The following SOX14 variants were observed in gnomAD, a reference collection of about 807,000 sequenced individuals.
SOX14 encodes transcription factor SOX-14.
SOX14 carries 5 observed loss-of-function variants against 14.8 expected under a neutral mutation model. That is an observed-to-expected ratio of 0.34 (90% confidence interval 0.18 to 0.71). The LOEUF is 0.71. Among genes scored for constraint, SOX14 ranks in the 30% least tolerant of loss-of-function variants. SOX14 has a pLI of 0.64. For missense variants in SOX14, 270 were observed against 329.7 expected (o/e 0.82, Z 1.40); for synonymous variants, 164 against 146.3 (o/e 1.12, Z -0.87).
chr3:137,764,566 G>GCCC lies in SOX14; in HGVS notation c.-216_-214dup. 1 of 248,410 alleles carries GCCC rather than the reference G, an allele frequency of 4.0e-6. No individual in the cohort carries two copies. The highest frequency in any genetic ancestry group is 2.2e-4 in the South Asian group (1 of 4,562). The allele number at this position is 248,410 out of a possible 1,614,324, so 15.4% of individuals were successfully genotyped here. ...CGCCCTCTCCTCCCCCGCCCTTTCT[G>GCCC]CCCCCACTCGCTCCCCCGGGGCTGC... On this transcript the variant is annotated 5_prime_UTR_variant, in exon 1 of 1. Coordinates refer to ENST00000306087, the MANE Select transcript of SOX14 (RefSeq NM_004189.4).
At position 137,765,772 on chromosome 3, in the gene SOX14, T is replaced by A. The variant is rs921151261; in HGVS notation, c.*265T>A. 35 of 427,904 alleles carry A rather than the reference T, an allele frequency of 8.2e-5. No individual in the cohort carries two copies. In the East Asian group the frequency reaches 1.2e-3, roughly 15 times the overall value. 26.5% of individuals were successfully genotyped at this position (427,904 alleles called of 1,614,324 possible). ...CTCTCCCAAAACAAATCTCCGACTG[T>A]ACCCCCTTTGGACAAAAAAGTAGGC... is the stretch of plus-strand genomic sequence containing the variant. On this transcript the variant is annotated 3_prime_UTR_variant, in exon 1 of 1. Transcript: ENST00000306087.
chr3:137,764,973 G>T lies in SOX14; in HGVS notation c.189G>T (p.Arg63=). 6.2e-7 allele frequency: 1 copy of T among 1,614,278 alleles called. No individual in the cohort carries two copies. The highest frequency in any genetic ancestry group is 1.1e-5 in the South Asian group (1 of 91,090). ...EKRPYIDEAK[R]LRAQHMKEHP... ...GGCCATACATCGATGAAGCCAAGCGGCTACGCGCCCAGCACATGAAGGAGC... is the reference window on the plus strand; with the variant it reads ...GGCCATACATCGATGAAGCCAAGCGTCTACGCGCCCAGCACATGAAGGAGC... The change falls in exon 1 of 1, where the codon CGG becomes CGT. Residue 63 remains arginine, a synonymous_variant. Coordinates refer to ENST00000306087, the MANE Select transcript of SOX14 (RefSeq NM_004189.4).
In SOX14 at chr3:137,765,357, G is replaced by A. The variant is rs1027266255; in HGVS notation, c.573G>A (p.Pro191=). 6.8e-6 allele frequency: 11 copies of A among 1,607,216 alleles called. No individual in the cohort carries two copies. The highest frequency in any genetic ancestry group is 1.3e-5 in the African/African-American group (1 of 74,778). ...SCPSQHTHTH[P]SPTNPGYVVP... is the part of the protein sequence containing the mutation. ...CCAGCCAGCACACGCACACGCACCC[G>A]TCCCCCACCAACCCTGGCTACGTGG... Residue 191 remains proline (P), a synonymous_variant, in exon 1 of 1, where the codon CCG becomes CCA. Transcript: ENST00000306087.
chr3:137,765,133 G>A lies in SOX14; in HGVS notation c.349G>A (p.Gly117Ser). Residue 117 changes from glycine to serine, a missense_variant, in exon 1 of 1, where the codon GGC becomes AGC. Around this residue, in one of 2 missense-constraint regions of SOX14, gnomAD observed 207 missense variants for 210.9 expected, o/e 0.98. Coordinates refer to ENST00000306087, the MANE Select transcript of SOX14 (RefSeq NM_004189.4). Reference sequence around the variant, plus strand: ...TGGCCTGCCCGTGGGGGCCTCCGACGGCCTCCTGAGCGCGCCCGAGAAAGC... The same window carrying A: ...TGGCCTGCCCGTGGGGGCCTCCGACAGCCTCCTGAGCGCGCCCGAGAAAGC... ...AAGLPVGASDGLLSAPEKARA... is the reference protein window; with the variant it reads ...AAGLPVGASDSLLSAPEKARA... 6.2e-7 allele frequency: 1 copy of A among 1,612,776 alleles called. No individual in the cohort carries two copies. Among genetic ancestry groups the A allele is most frequent in the Non-Finnish European group, 8.5e-7 (1 of 1,179,280 alleles).
chr3:137,765,785 C>CA lies in SOX14; in HGVS notation c.*284dup, dbSNP rs1939233915. 7.4e-6 allele frequency: 3 copies of CA among 404,740 alleles called. No homozygotes were observed. The highest frequency in any genetic ancestry group is 1.3e-5 in the Non-Finnish European group (3 of 230,352). 25.1% of individuals were successfully genotyped at this position (404,740 alleles called of 1,614,324 possible). A position where few individuals can be genotyped will look rare whatever the true frequency, so the allele number is the denominator to read the frequency against. ...AATCTCCGACTGTACCCCCTTTGGACAAAAAAGTAGGCAGTTTTGCTTTAT... is the reference window on the plus strand; with the variant it reads ...AATCTCCGACTGTACCCCCTTTGGACAAAAAAAGTAGGCAGTTTTGCTTTAT... On this transcript the variant is annotated 3_prime_UTR_variant, in exon 1 of 1. Transcript: ENST00000306087.
chr3:137,765,258 C>A lies in SOX14; in HGVS notation c.474C>A (p.Thr158=). 2.5e-6 allele frequency: 4 copies of A among 1,598,968 alleles called. No individual in the cohort carries two copies. The South Asian group carries it at 4.5e-5, about 18-fold the overall frequency. The change falls in exon 1 of 1, where the codon ACC becomes ACA. Residue 158 remains threonine (T), a synonymous_variant. Transcript: ENST00000306087. ...AGAAGATGGGCGAAGTGCCCCACAC[C>A]TTGGCTACCGGCGCTCTGCCCTACG... The part of the protein sequence containing the change: ...AIQKMGEVPH[T]LATGALPYAS...
At position 137,765,679 on chromosome 3, in the gene SOX14, C is replaced by A; in HGVS notation, c.*172C>A. 5 of 822,114 alleles carry A rather than the reference C, an allele frequency of 6.1e-6. No homozygotes were observed. The highest frequency in any genetic ancestry group is 8.9e-6 in the Non-Finnish European group (5 of 559,310). 50.9% of individuals were successfully genotyped at this position (822,114 alleles called of 1,614,324 possible). On this transcript the variant is annotated 3_prime_UTR_variant, in exon 1 of 1. Transcript: ENST00000306087. ...GGGAAGGGTGGGGCGTCCTCCCGGA[C>A]CCAAGGCGCAGACAGGTACCGGAAA...
chr3:137,764,665 G>T lies in SOX14; in HGVS notation c.-120G>T, dbSNP rs1368010509. 2 of 1,316,904 alleles carry T rather than the reference G, an allele frequency of 1.5e-6. No homozygotes were observed. Among genetic ancestry groups the T allele is most frequent in the Non-Finnish European group, 2.1e-6 (2 of 956,770 alleles). 81.6% of individuals were successfully genotyped at this position (1,316,904 alleles called of 1,614,324 possible). A position where few individuals can be genotyped will look rare whatever the true frequency, so the allele number is the denominator to read the frequency against. On this transcript the variant is annotated 5_prime_UTR_variant, in exon 1 of 1. Transcript: ENST00000306087. ...TTCTCTCTGGCTTCCCCTCAGCGGC[G>T]CCAAGGCGAGGGGAGCGCAGAACCC...
At position 137,765,555 on chromosome 3, in the gene SOX14, C is replaced by G; in HGVS notation, c.*48C>G. ...AGGCGTGGTCTGAAAGCCGGGTCTG[C>G]ACCCTGTCCTCTGAGCCTAGCCCCG... On this transcript the variant is annotated 3_prime_UTR_variant, in exon 1 of 1. Coordinates refer to ENST00000306087, the MANE Select transcript of SOX14 (RefSeq NM_004189.4). 6.5e-7 allele frequency: 1 copy of G among 1,547,912 alleles called. No individual in the cohort carries two copies. Among genetic ancestry groups the G allele is most frequent in the East Asian group, 2.3e-5 (1 of 44,282 alleles).
chr3:137,764,681 C>A lies in SOX14; in HGVS notation c.-104C>A. 4 of 1,426,174 alleles carry A rather than the reference C, an allele frequency of 2.8e-6. No homozygotes were observed. The highest frequency in any genetic ancestry group is 1.4e-5 in the South Asian group (1 of 73,322). 88.3% of individuals were successfully genotyped at this position (1,426,174 alleles called of 1,614,324 possible). A position where few individuals can be genotyped will look rare whatever the true frequency, so the allele number is the denominator to read the frequency against. ...CTCAGCGGCGCCAAGGCGAGGGGAG[C>A]GCAGAACCCCGGCTCAGGACGGACA... On this transcript the variant is annotated 5_prime_UTR_variant, in exon 1 of 1. Coordinates refer to ENST00000306087, the MANE Select transcript of SOX14 (RefSeq NM_004189.4).
Position 137,765,669 on chromosome 3 carries a change from T to G in SOX14, c.*162T>G. On this transcript the variant is annotated 3_prime_UTR_variant, in exon 1 of 1. Coordinates refer to ENST00000306087, the MANE Select transcript of SOX14 (RefSeq NM_004189.4). Reference sequence around the variant, plus strand: ...CTCTTCCAGGGGGAAGGGTGGGGCGTCCTCCCGGACCCAAGGCGCAGACAG... The same window carrying G: ...CTCTTCCAGGGGGAAGGGTGGGGCGGCCTCCCGGACCCAAGGCGCAGACAG... The G allele has an allele frequency of 1.1e-6, 1 of 932,094 alleles. No homozygotes were observed. Among genetic ancestry groups the G allele is most frequent in the Non-Finnish European group, 1.5e-6 (1 of 658,384 alleles). The allele number at this position is 932,094 out of a possible 1,614,324, so 57.7% of individuals were successfully genotyped here.
Position 137,764,722 on chromosome 3 carries a change from G to T in SOX14, c.-63G>T. 2 of 1,564,792 alleles carry T rather than the reference G, an allele frequency of 1.3e-6. No individual in the cohort carries two copies. Among genetic ancestry groups the T allele is most frequent in the Non-Finnish European group, 1.7e-6 (2 of 1,158,866 alleles). On this transcript the variant is annotated 5_prime_UTR_variant, in exon 1 of 1. Transcript: ENST00000306087. ...AGGACGGACAGACAGACGGCCAGCC[G>T]CGCCCAGGCTCGTCTGCAGAACCCT...
In SOX14 at chr3:137,765,673, C is replaced by A. The variant is rs1939231934; in HGVS notation, c.*166C>A. The A allele has an allele frequency of 6.7e-6, 6 of 892,616 alleles. No homozygotes were observed. The highest frequency in any genetic ancestry group is 8.0e-6 in the Non-Finnish European group (5 of 622,972). The allele number at this position is 892,616 out of a possible 1,614,324, so 55.3% of individuals were successfully genotyped here. On this transcript the variant is annotated 3_prime_UTR_variant, in exon 1 of 1. Coordinates refer to ENST00000306087, the MANE Select transcript of SOX14 (RefSeq NM_004189.4). ...TCCAGGGGGAAGGGTGGGGCGTCCT[C>A]CCGGACCCAAGGCGCAGACAGGTAC...
chr3:137,764,662 G>T lies in SOX14; in HGVS notation c.-123G>T. On this transcript the variant is annotated 5_prime_UTR_variant, in exon 1 of 1. Coordinates refer to ENST00000306087, the MANE Select transcript of SOX14 (RefSeq NM_004189.4). ...CGCTTCTCTCTGGCTTCCCCTCAGC[G>T]GCGCCAAGGCGAGGGGAGCGCAGAA... 1 of 1,263,394 alleles carries T rather than the reference G, an allele frequency of 7.9e-7. No homozygotes were observed. Among genetic ancestry groups the T allele is most frequent in the South Asian group, 1.5e-5 (1 of 67,904 alleles). 78.3% of individuals were successfully genotyped at this position (1,263,394 alleles called of 1,614,324 possible).
chr3:137,764,531 C>A lies in SOX14; in HGVS notation c.-254C>A. ...TCCCAGCCCCTGGTGCCTGAAGCCCCCCGGCCGATCGCCCTCTCCTCCCCC... is the reference window on the plus strand; with the variant it reads ...TCCCAGCCCCTGGTGCCTGAAGCCCACCGGCCGATCGCCCTCTCCTCCCCC... On this transcript the variant is annotated 5_prime_UTR_variant, in exon 1 of 1. Transcript: ENST00000306087. The A allele has an allele frequency of 3.0e-6, 1 of 332,224 alleles. No individual in the cohort carries two copies. Among genetic ancestry groups the A allele is most frequent in the Non-Finnish European group, 5.5e-6 (1 of 182,320 alleles). The allele number at this position is 332,224 out of a possible 1,614,324, so 20.6% of individuals were successfully genotyped here. A position where few individuals can be genotyped will look rare whatever the true frequency, so the allele number is the denominator to read the frequency against.
chr3:137,765,529 G>C lies in SOX14; in HGVS notation c.*22G>C. On this transcript the variant is annotated 3_prime_UTR_variant, in exon 1 of 1. Coordinates refer to ENST00000306087, the MANE Select transcript of SOX14 (RefSeq NM_004189.4). ...GTAACCCCCAGCCCGGCCCGGACCT[G>C]AGGCGTGGTCTGAAAGCCGGGTCTG... 1.3e-6 allele frequency: 2 copies of C among 1,573,180 alleles called. No homozygotes were observed. The highest frequency in any genetic ancestry group is 1.7e-6 in the Non-Finnish European group (2 of 1,158,002).
Position 137,764,658 on chromosome 3 carries a change from C to A in SOX14, c.-127C>A. 1 of 1,237,956 alleles carries A rather than the reference C, an allele frequency of 8.1e-7. No individual in the cohort carries two copies. 76.7% of individuals were successfully genotyped at this position (1,237,956 alleles called of 1,614,324 possible). A position where few individuals can be genotyped will look rare whatever the true frequency, so the allele number is the denominator to read the frequency against. ...TCAGCGCTTCTCTCTGGCTTCCCCTCAGCGGCGCCAAGGCGAGGGGAGCGC... is the reference window on the plus strand; with the variant it reads ...TCAGCGCTTCTCTCTGGCTTCCCCTAAGCGGCGCCAAGGCGAGGGGAGCGC... On this transcript the variant is annotated 5_prime_UTR_variant, in exon 1 of 1. Coordinates refer to ENST00000306087, the MANE Select transcript of SOX14 (RefSeq NM_004189.4).
Position 137,764,825 on chromosome 3 carries a change from C to G in SOX14, c.41C>G (p.Ala14Gly). The change falls in exon 1 of 1, where the codon GCC becomes GGC. Residue 14 changes from alanine to glycine, a missense_variant. By Grantham distance (60) the Ala-to-Gly change is moderately conservative. Coordinates refer to ENST00000306087, the MANE Select transcript of SOX14 (RefSeq NM_004189.4). ...PSDHIKRPMN[A>G]FMVWSRGQRR... The stretch of plus-strand genomic sequence containing the variant: ...GACCACATCAAGCGGCCCATGAACG[C>G]CTTCATGGTATGGTCCCGGGGCCAG... 1 of 1,614,202 alleles carries G rather than the reference C, an allele frequency of 6.2e-7. No homozygotes were observed.
In SOX14 at chr3:137,765,777, C is replaced by G. The variant is rs1053956205; in HGVS notation, c.*270C>G. 2.1e-5 allele frequency: 9 copies of G among 418,716 alleles called. No individual in the cohort carries two copies. Among genetic ancestry groups the G allele is most frequent in the African/African-American group, 1.2e-4 (6 of 48,798 alleles). The allele number at this position is 418,716 out of a possible 1,614,324, so 25.9% of individuals were successfully genotyped here. A position where few individuals can be genotyped will look rare whatever the true frequency, so the allele number is the denominator to read the frequency against. ...CCAAAACAAATCTCCGACTGTACCC[C>G]CTTTGGACAAAAAAGTAGGCAGTTT... On this transcript the variant is annotated 3_prime_UTR_variant, in exon 1 of 1. Coordinates refer to ENST00000306087, the MANE Select transcript of SOX14 (RefSeq NM_004189.4).
Sources: gnomAD v4.1 joint callset for allele counts on GRCh38, gnomAD v4.1.1 for gene constraint, gnomAD v4.1.1 regional missense constraint, MANE v1.5 for transcripts, NCBI Gene and HGNC (gene_info 2026-07-23, HGNC 2026-07-21) for gene names.